Variants in AGO1 observed in about 807,000 individuals in gnomAD.
AGO1 encodes the protein argonaute RISC component 1.
In AGO1, 11 loss-of-function variants were observed where a neutral mutation model predicts 109.2. That is an observed-to-expected ratio of 0.10 (90% CI 0.06 to 0.17). The LOEUF is 0.17. Ranked by LOEUF, AGO1 falls within the 10% of genes least tolerant of loss-of-function variation. The pLI, the probability that AGO1 is intolerant of heterozygous loss-of-function variation, is 1.00. For missense variants in AGO1, 574 were observed against 1,140.3 expected (o/e 0.50, Z 7.15); for synonymous variants, 422 against 418.6 (o/e 1.01, Z -0.10).
Position 35,894,422 on chromosome 1 carries a change from G to A in AGO1, c.872+20G>A. 6.2e-7 allele frequency: 1 copy of A among 1,612,370 alleles called. No homozygotes were observed. The stretch of plus-strand genomic sequence containing the variant: ...TCAGACGTAAGTTGGCAGGGGTGCT[G>A]AGTCATACTTTGTTGGTGGAGAAGG... On this transcript the variant is annotated intron_variant, in intron 7 of 18. Transcript: ENST00000373204.
chr1:35,893,376 A>G lies in AGO1; in HGVS notation c.512+98A>G, dbSNP rs550901520. 1.5e-6 allele frequency: 2 copies of G among 1,326,548 alleles called. No individual in the cohort carries two copies. The highest frequency in any genetic ancestry group is 4.7e-5 in the East Asian group (2 of 42,488). The allele number at this position is 1,326,548 out of a possible 1,614,324, so 82.2% of individuals were successfully genotyped here. A position where few individuals can be genotyped will look rare whatever the true frequency, so the allele number is the denominator to read the frequency against. The stretch of plus-strand genomic sequence containing the variant: ...ATTAAGGTCCCACAGAGTGCCATTA[A>G]AAAAAAAAATTATTTGAAGCCCTAC... On this transcript the variant is annotated intron_variant, in intron 4 of 18. Coordinates refer to ENST00000373204, the MANE Select transcript of AGO1 (RefSeq NM_012199.5). The surrounding 1 kb of genome is among the most constrained non-coding windows in gnomAD (Gnocchi z 5.6).
At chr1:35,882,385 A>G (rs891674143), upstream of AGO1, among the ~76,000 whole-genome samples, 7 of 152,196 alleles carry the variant, frequency 4.6e-5, no homozygotes, top group Non-Finnish European at 1.0e-4. This position sits in a 1 kb window ranked among gnomAD's most constrained non-coding sequence, Gnocchi z 5.1. Context: ...CCCTTTAGAA[A>G]GACTGAAAAG....
upstream of AGO1, among the ~76,000 whole-genome samples, chr1:35,878,369 G>A (rs1187670782): frequency 6.6e-6 from 1 of 152,114 alleles, no homozygotes; most frequent in Admixed American, 6.6e-5. Flanking sequence ...ACAGGTGTGA[G>A]CCACCACGCC....
intron 1 of AGO1, among the ~76,000 whole-genome samples, chr1:35,887,918 A>C (rs909318291): frequency 3.3e-4 from 50 of 152,000 alleles, no homozygotes; most frequent in African/African-American, 1.2e-3. Flanking sequence ...TGCCTCAAAC[A>C]CTGACCCTGC....
At position 35,893,364 on chromosome 1, in the gene AGO1, A is replaced by G; in HGVS notation, c.512+86A>G. ...GGGGGAGCACATATTAAGGTCCCACAGAGTGCCATTAAAAAAAAAAATTAT... is the reference window on the plus strand; with the variant it reads ...GGGGGAGCACATATTAAGGTCCCACGGAGTGCCATTAAAAAAAAAAATTAT... On this transcript the variant is annotated intron_variant, in intron 4 of 18. Transcript: ENST00000373204. The surrounding 1 kb of genome is among the most constrained non-coding windows in gnomAD (Gnocchi z 5.6). The G allele has an allele frequency of 1.4e-6, 2 of 1,438,086 alleles. No individual in the cohort carries two copies. Among genetic ancestry groups the G allele is most frequent in the Non-Finnish European group, 1.9e-6 (2 of 1,065,188 alleles). 89.1% of individuals were successfully genotyped at this position (1,438,086 alleles called of 1,614,324 possible).
upstream of AGO1, among the ~76,000 whole-genome samples, chr1:35,880,659 GTTTTGTT>G (rs1248650766): frequency 6.6e-6 from 1 of 152,052 alleles, no homozygotes. Context: ...TTTTTGTTTC[GTTTTGTT>G]TTTTGTTTTT....
intron 11 of AGO1, among the ~76,000 whole-genome samples, chr1:35,904,719 G>A (rs1645487973): frequency 6.6e-6 from 1 of 152,170 alleles, no homozygotes; most frequent in South Asian, 2.1e-4. Flanking sequence ...GGTTCTGACT[G>A]GGCTAAAGGT....
At chr1:35,896,218 C>T (rs1201390629) in intron 8 of AGO1, among the ~76,000 whole-genome samples, 7 of 152,096 alleles carry the variant, frequency 4.6e-5, no homozygotes, top group African/African-American at 1.4e-4. Context: ...AGGCTGGTCT[C>T]GAACTCCTGA....
At chr1:35,906,807 G>C in intron 11 of AGO1, 128 bp from the exon 12 acceptor site, 1 of 728,962 alleles carries the variant, frequency 1.4e-6, no homozygotes, top group Non-Finnish European at 2.2e-6. Context: ...CCTGTCTCAA[G>C]GAAAAAAAAA....
In AGO1 at chr1:35,925,192, GT is replaced by G. The variant is rs1264683629; in HGVS notation, c.*5587del. ...CAACATGAACTGCTGCAGAGAGGGAGTTCTTTTTTTTTCTGTGTGTTTTACC... is the reference window on the plus strand; with the variant it reads ...CAACATGAACTGCTGCAGAGAGGGAGTCTTTTTTTTTCTGTGTGTTTTACC... On this transcript the variant is annotated 3_prime_UTR_variant, in exon 19 of 19. Transcript: ENST00000373204. 1 of 151,294 alleles carries G rather than the reference GT, an allele frequency of 6.6e-6. No homozygotes were observed. The highest frequency in any genetic ancestry group is 2.4e-5 in the African/African-American group (1 of 41,058). 9.4% of individuals were successfully genotyped at this position (151,294 alleles called of 1,614,324 possible).
Position 35,909,524 on chromosome 1 carries a change from CTCT to C in AGO1, c.1582+2413_1582+2415del, listed in dbSNP as rs1645594595. Among the ~76,000 whole-genome samples the C allele has an allele frequency of 2.0e-5, 3 of 152,316 alleles. No homozygotes were observed. The South Asian group carries it at 6.2e-4, about 32-fold the overall frequency. On this transcript the variant is annotated intron_variant, in intron 12 of 18. Transcript: ENST00000373204. Reference sequence around the variant, plus strand: ...TGCCTTTGCCCGGAGTATCTGCATCCTCTTCTTCTTGTCCCCCACCTTGCACTT... The same window carrying C: ...TGCCTTTGCCCGGAGTATCTGCATCCTCTTCTTGTCCCCCACCTTGCACTT...
At chr1:35,906,883 G>C (rs1645531338) in intron 11 of AGO1, 52 bp from the exon 12 acceptor site, 2 of 1,527,500 alleles carry the variant, frequency 1.3e-6, no homozygotes, top group Admixed American at 3.7e-5. Context: ...ATTTTTGTCA[G>C]AAGAATTCAA....
chr1:35,890,045 C>T (rs572539046), intron 2 of AGO1, among the ~76,000 whole-genome samples: 42 of 151,156 alleles, frequency 2.8e-4, no homozygotes, highest in Middle Eastern at 3.5e-3. Flanking sequence ...TTTTTTGAGA[C>T]GGAGTTTCAC....
Position 35,901,882 on chromosome 1 carries a change from T to C in AGO1, c.1141-66T>C, listed in dbSNP as rs949096060. 11 of 1,525,112 alleles carry C rather than the reference T, an allele frequency of 7.2e-6. No homozygotes were observed. Among genetic ancestry groups the C allele is most frequent in the Non-Finnish European group, 9.7e-6 (11 of 1,137,586 alleles). The allele number at this position is 1,525,112 out of a possible 1,614,324, so 94.5% of individuals were successfully genotyped here. A position where few individuals can be genotyped will look rare whatever the true frequency, so the allele number is the denominator to read the frequency against. ...CTTCTCCTTAGGGTTCTCTCCTTGA[T>C]ACCCAGAGGGTGAGCAGTATTGCCA... On this transcript the variant is annotated intron_variant, in intron 9 of 18. Transcript: ENST00000373204. The surrounding 1 kb of genome is among the most constrained non-coding windows in gnomAD (Gnocchi z 4.8).
chr1:35,918,935 C>T (rs1182398907), intron 17 of AGO1, 120 bp from the exon 18 acceptor site: 2 of 880,110 alleles, frequency 2.3e-6, no homozygotes, highest in Non-Finnish European at 1.8e-6. Context: ...GGTAGTTTTG[C>T]ATCTGCCTGT....
At chr1:35,881,139 CAG>C (rs1262744669), upstream of AGO1, among the ~76,000 whole-genome samples, 1 of 152,158 alleles carries the variant, frequency 6.6e-6, no homozygotes, top group African/African-American at 2.4e-5. Flanking sequence ...AGTCTGGCTC[CAG>C]AGTCTTTGTT....
rs568749254 is a variant in AGO1 at position 35,914,327 on chromosome 1, C to T, written c.1833+53C>T. On this transcript the variant is annotated intron_variant, in intron 14 of 18. Transcript: ENST00000373204. ...AAGGTTCTCCTCTTCGCTCTGAGTC[C>T]TCAAAACTGCCCATGATTTCCTTCC... 82 of 1,441,736 alleles carry T rather than the reference C, an allele frequency of 5.7e-5. 2 individuals carry two copies. In the South Asian group the frequency reaches 9.2e-4, roughly 16 times the overall value. The allele number at this position is 1,441,736 out of a possible 1,614,324, so 89.3% of individuals were successfully genotyped here.
Position 35,892,652 on chromosome 1 carries a change from C to T in AGO1, c.305C>T (p.Thr102Ile), listed in dbSNP as rs368596181. 6.2e-7 allele frequency: 1 copy of T among 1,614,128 alleles called. No individual in the cohort carries two copies. Among genetic ancestry groups the T allele is most frequent in the African/African-American group, 1.3e-5 (1 of 74,938 alleles). The stretch of plus-strand genomic sequence containing the variant: ...GGAAAGAAGAACATTTACACTGTCA[C>T]AGCACTGCCCATTGGCAACGAACGG... ...YDGKKNIYTV[T>I]ALPIGNERVD... Residue 102 changes from threonine (T) to isoleucine (I), a missense_variant, in exon 3 of 19, where the codon ACA becomes ATA. Physicochemically the swap from Thr to Ile is moderately conservative, Grantham distance 89. This residue lies in a region of AGO1 where 129 missense variants were observed against 243.0 expected (regional missense o/e 0.53). Transcript: ENST00000373204.
chr1:35,908,177 A>C (rs963071772), intron 12 of AGO1, among the ~76,000 whole-genome samples: 1 of 152,204 alleles, frequency 6.6e-6, no homozygotes, highest in Admixed American at 6.5e-5. Flanking sequence ...CTTATTCTTT[A>C]GCCTCTTTCA....
Sources: allele counts gnomAD v4.1 joint callset (sites outside exome capture counted in the v4.1 genomes callset), GRCh38; gene constraint gnomAD v4.1.1; regional missense constraint gnomAD v4.1.1; non-coding constraint Gnocchi (gnomAD v3.1); transcripts MANE v1.5; gene names NCBI Gene and HGNC (gene_info 2026-07-23, HGNC 2026-07-21).